Variants in CPQ observed in about 807,000 individuals in gnomAD.
The protein encoded by CPQ is Ser-Met dipeptidase.
CPQ carries 37 observed loss-of-function variants against 45.7 expected under a neutral mutation model. That is an observed-to-expected ratio of 0.81 (90% confidence interval 0.62 to 1.07). CPQ has a LOEUF of 1.07. CPQ is among the 50% of genes least tolerant of loss of function. The pLI is 0.00. For synonymous variants in CPQ, 186 were observed against 205.8 expected (o/e 0.90, Z 0.82); for missense variants, 537 against 572.9 (o/e 0.94, Z 0.64).
chr8:97,117,624 C>T (rs1007972933), intron 7 of CPQ, among the ~76,000 whole-genome samples: 3 of 152,104 alleles, frequency 2.0e-5, no homozygotes, highest in Non-Finnish European at 4.4e-5. Context: ...TCTCCACCTC[C>T]CAGGCTCAAG....
chr8:96,835,444 A>G (rs957882902), intron 3 of CPQ, among the ~76,000 whole-genome samples: 1 of 152,190 alleles, frequency 6.6e-6, no homozygotes, highest in African/African-American at 2.4e-5. Flanking sequence ...TACATTCCTT[A>G]TATAACTAAT....
chr8:97,118,422 A>T (rs916069830), intron 7 of CPQ, among the ~76,000 whole-genome samples: 1 of 152,190 alleles, frequency 6.6e-6, no homozygotes, highest in African/African-American at 2.4e-5. Context: ...GGAATTTCCC[A>T]TGGAACAGCT....
rs1356144865 is a variant in CPQ at position 96,737,248 on chromosome 8, C to A, written c.-34-47616C>A. Reference sequence around the variant, plus strand: ...AATAAGATACACACACACACACACACACACACAAAAAAAAACTAATAGGAT... The same window carrying A: ...AATAAGATACACACACACACACACAAACACACAAAAAAAAACTAATAGGAT... On this transcript the variant is annotated intron_variant, in intron 1 of 7. Coordinates refer to ENST00000220763, the MANE Select transcript of CPQ (RefSeq NM_016134.4). Among the ~76,000 whole-genome samples the A allele has an allele frequency of 1.4e-3, 198 of 140,484 alleles. 2 individuals are homozygous for A. The highest frequency in any genetic ancestry group is 5.3e-3 in the African/African-American group (189 of 35,834). 92.2% of individuals were successfully genotyped at this position (140,484 alleles called of 152,430 possible).
chr8:97,088,010 A>C (rs1811069107), intron 7 of CPQ, among the ~76,000 whole-genome samples: 1 of 152,194 alleles, frequency 6.6e-6, no homozygotes, highest in Non-Finnish European at 1.5e-5. Context: ...ACTTTCAATT[A>C]TTATATCCAA....
intron 6 of CPQ, among the ~76,000 whole-genome samples, chr8:97,037,412 A>G (rs1277736747): frequency 1.3e-5 from 2 of 152,174 alleles, no homozygotes; most frequent in Non-Finnish European, 2.9e-5. Context: ...TGTCCGGACT[A>G]TGTCTCCAGC....
chr8:97,122,352 T>A (rs1164602497), intron 7 of CPQ, among the ~76,000 whole-genome samples: 1 of 152,262 alleles, frequency 6.6e-6, no homozygotes, highest in Admixed American at 6.5e-5. Context: ...GAAAATGCAA[T>A]GTCTTGTAGA....
chr8:96,778,393 G>A (rs1045792604), intron 1 of CPQ, among the ~76,000 whole-genome samples: 1 of 152,060 alleles, frequency 6.6e-6, no homozygotes, highest in African/African-American at 2.4e-5. Context: ...ATGCATTCCA[G>A]CCAGGAATTA....
chr8:96,867,189 C>A (rs1812006507), intron 3 of CPQ, among the ~76,000 whole-genome samples: 2 of 152,028 alleles, frequency 1.3e-5, no homozygotes, highest in South Asian at 4.1e-4. Context: ...TCTATTTTCC[C>A]TAAAAAGTAT....
chr8:96,832,924 AGCCAG>A (rs2130847063), intron 2 of CPQ, among the ~76,000 whole-genome samples: 1 of 152,216 alleles, frequency 6.6e-6, no homozygotes, highest in African/African-American at 2.4e-5. Flanking sequence ...GGTAAAAAGG[AGCCAG>A]GCTGGAGGCT....
chr8:96,953,488 G>C (rs1250880677), intron 4 of CPQ, among the ~76,000 whole-genome samples: 1 of 152,094 alleles, frequency 6.6e-6, no homozygotes, highest in Non-Finnish European at 1.5e-5. Context: ...GCCCCTTACA[G>C]TCTTCTCTTC....
At chr8:97,076,706 C>T (rs959219677) in intron 7 of CPQ, among the ~76,000 whole-genome samples, 3 of 151,874 alleles carry the variant, frequency 2.0e-5, no homozygotes, top group Non-Finnish European at 2.9e-5. Context: ...TTTTTTTTAG[C>T]GGGGGAGAGG....
At chr8:96,664,844 C>T (rs1237272489) in intron 1 of CPQ, among the ~76,000 whole-genome samples, 2 of 152,132 alleles carry the variant, frequency 1.3e-5, no homozygotes, top group Non-Finnish European at 2.9e-5. Flanking sequence ...AATCTAGCTG[C>T]CATTGTACCG....
intron 2 of CPQ, among the ~76,000 whole-genome samples, chr8:96,807,525 G>A (rs926267506): frequency 6.6e-6 from 1 of 152,104 alleles, no homozygotes; most frequent in Admixed American, 6.5e-5. Flanking sequence ...GAGCCACCGC[G>A]CCCGGCTGAA....
At chr8:97,105,725 A>T (rs550265779) in intron 7 of CPQ, among the ~76,000 whole-genome samples, 2 of 152,326 alleles carry the variant, frequency 1.3e-5, no homozygotes, top group African/African-American at 4.8e-5. Context: ...ATAAGATTTT[A>T]GAAGGAAACA....
chr8:96,689,629 T>C (rs561287968), intron 1 of CPQ, among the ~76,000 whole-genome samples: 4 of 152,302 alleles, frequency 2.6e-5, no homozygotes, highest in Non-Finnish European at 5.9e-5. Context: ...AACAGTTCGA[T>C]TGGATATAAA....
At chr8:96,779,994 T>A (rs916071923) in intron 1 of CPQ, among the ~76,000 whole-genome samples, 1 of 152,214 alleles carries the variant, frequency 6.6e-6, no homozygotes, top group Non-Finnish European at 1.5e-5. Context: ...AACTTTTTAC[T>A]CTTACAGCTT....
chr8:97,038,572 C>G (rs1810041450), intron 6 of CPQ, among the ~76,000 whole-genome samples: 1 of 152,150 alleles, frequency 6.6e-6, no homozygotes, highest in Admixed American at 6.5e-5. Flanking sequence ...ATTACATGTA[C>G]TGGGGCCTTA....
At chr8:96,876,491 C>G (rs1812146861) in intron 3 of CPQ, among the ~76,000 whole-genome samples, 1 of 152,070 alleles carries the variant, frequency 6.6e-6, no homozygotes, top group South Asian at 2.1e-4. Context: ...GGGAGACAAA[C>G]ATCCTTGGCT....
At chr8:96,761,735 G>A (rs1043183989) in intron 1 of CPQ, among the ~76,000 whole-genome samples, 1 of 152,196 alleles carries the variant, frequency 6.6e-6, no homozygotes, top group South Asian at 2.1e-4. Context: ...CAGGATTGTT[G>A]TGGGAATTAA....
Sources: allele counts gnomAD v4.1 joint callset (sites outside exome capture counted in the v4.1 genomes callset), GRCh38; gene constraint gnomAD v4.1.1; transcripts MANE v1.5; gene names NCBI Gene and HGNC (gene_info 2026-07-23, HGNC 2026-07-21).